ZNF536: variants seen among roughly 807,000 people sequenced by gnomAD.
ZNF536 encodes zinc finger protein 536.
Under a neutral mutation model 84.5 loss-of-function variants are expected in ZNF536, and 13 were observed. The ratio of observed to expected loss-of-function variants is 0.15; its 90% confidence interval spans 0.10 to 0.24. The LOEUF (loss-of-function observed/expected upper bound fraction) is 0.24. Ranked by LOEUF, ZNF536 falls within the 10% of genes least tolerant of loss-of-function variation. The pLI is 1.00. For missense variants in ZNF536, 1,536 were observed against 1,747.5 expected (o/e 0.88, Z 2.16); for synonymous variants, 811 against 742.5 (o/e 1.09, Z -1.50).
intron 1 of ZNF536, among the ~76,000 whole-genome samples, chr19:30,439,487 C>T (rs553354992): frequency 1.9e-4 from 29 of 152,274 alleles, no homozygotes; most frequent in African/African-American, 5.3e-4. Flanking sequence ...GCTGTTTTGG[C>T]GCAGAGACAG....
At chr19:30,589,049 C>G (rs1376549177) in intron 1 of ZNF536, among the ~76,000 whole-genome samples, 1 of 151,956 alleles carries the variant, frequency 6.6e-6, no homozygotes, top group Non-Finnish European at 1.5e-5. Context: ...TGGAGAATCC[C>G]CAAGAGACCT....
In ZNF536 at chr19:30,707,711, A is replaced by C. The variant is rs117142142; in HGVS notation, c.170-3046A>C. Among the ~76,000 whole-genome samples the C allele has an allele frequency of 3.4e-3, 525 of 152,338 alleles. 2 individuals are homozygous for C. Among genetic ancestry groups the C allele is most frequent in the Non-Finnish European group, 4.0e-3 (272 of 68,038 alleles). Reference sequence around the variant, plus strand: ...AACAGAAGAAGCAGAAGCACTATCCAAAAATGTGTAATTCCTGGCAGGGCA... The same window carrying C: ...AACAGAAGAAGCAGAAGCACTATCCCAAAATGTGTAATTCCTGGCAGGGCA... On this transcript the variant is annotated intron_variant, in intron 1 of 1. Transcript: ENST00000592773.
intron 1 of ZNF536, among the ~76,000 whole-genome samples, chr19:30,649,640 C>T (rs35351436): frequency 6.7e-6 from 1 of 148,768 alleles, no homozygotes; most frequent in Middle Eastern, 3.6e-3. Flanking sequence ...GAAAAAGACA[C>T]AGGAACAGCC....
At chr19:30,676,819 G>A (rs2050768773) in intron 1 of ZNF536, among the ~76,000 whole-genome samples, 1 of 152,004 alleles carries the variant, frequency 6.6e-6, no homozygotes, top group Non-Finnish European at 1.5e-5. Flanking sequence ...CTTTGAACAG[G>A]GACTTAAATG....
At chr19:30,288,807 C>T (rs1403232929) in intron 2 of ZNF536, among the ~76,000 whole-genome samples, 1 of 152,194 alleles carries the variant, frequency 6.6e-6, no homozygotes, top group Non-Finnish European at 1.5e-5. Flanking sequence ...ACAAGCATGG[C>T]ACCGTTGTTA....
At chr19:30,569,957 C>G (rs1177895450) in intron 1 of ZNF536, among the ~76,000 whole-genome samples, 1 of 152,192 alleles carries the variant, frequency 6.6e-6, no homozygotes, top group Non-Finnish European at 1.5e-5. Flanking sequence ...GGGCAATGTT[C>G]TCCCCTGGGG....
chr19:30,330,762 C>A (rs1011869497), intron 2 of ZNF536, among the ~76,000 whole-genome samples: 1 of 152,150 alleles, frequency 6.6e-6, no homozygotes, highest in Non-Finnish European at 1.5e-5. Context: ...AACTTCGAGG[C>A]ATTGAAGTGG....
chr19:30,323,657 G>A (rs1451056697), intron 2 of ZNF536, among the ~76,000 whole-genome samples: 1 of 152,200 alleles, frequency 6.6e-6, no homozygotes, highest in African/African-American at 2.4e-5. Context: ...GGGAAAGAAG[G>A]CAGGTGCTGT....
At chr19:30,292,952 A>G (rs2045888722) in intron 2 of ZNF536, among the ~76,000 whole-genome samples, 1 of 152,222 alleles carries the variant, frequency 6.6e-6, no homozygotes, top group African/African-American at 2.4e-5. Flanking sequence ...TTGCATTAAA[A>G]CAGTGAATTA....
intron 2 of ZNF536, among the ~76,000 whole-genome samples, chr19:30,511,986 C>T (rs1440297301): frequency 1.3e-5 from 2 of 152,192 alleles, no homozygotes; most frequent in African/African-American, 2.4e-5. Flanking sequence ...ATAATCCATA[C>T]ATTTACATTA....
At chr19:30,455,278 T>C (rs991956978) in intron 2 of ZNF536, among the ~76,000 whole-genome samples, 40 of 152,230 alleles carry the variant, frequency 2.6e-4, no homozygotes, top group Admixed American at 2.6e-3. Flanking sequence ...ACTTTTTTTT[T>C]CACTAAACTA....
chr19:30,640,690 G>A (rs2049238121), intron 1 of ZNF536, among the ~76,000 whole-genome samples: 1 of 152,236 alleles, frequency 6.6e-6, no homozygotes, highest in Non-Finnish European at 1.5e-5. Context: ...TGCAGGCACA[G>A]GCACTCCATA....
In ZNF536 at chr19:30,468,746, A is replaced by G. The variant is rs147397258; in HGVS notation, c.2170+23014A>G. ...AAATGTCGTGAGTGCAGAGTAGAGCAGCGCTTGGGAGGGCCTGGGCACCGA... is the reference window on the plus strand; with the variant it reads ...AAATGTCGTGAGTGCAGAGTAGAGCGGCGCTTGGGAGGGCCTGGGCACCGA... On this transcript the variant is annotated intron_variant, in intron 2 of 4. Coordinates refer to ENST00000355537, the MANE Select transcript of ZNF536 (RefSeq NM_014717.3). Among the ~76,000 whole-genome samples the G allele has an allele frequency of 3.8e-3, 575 of 152,224 alleles. 4 individuals carry two copies. Among genetic ancestry groups the G allele is most frequent in the Middle Eastern group, 0.014 (4 of 294 alleles).
intron 2 of ZNF536, among the ~76,000 whole-genome samples, chr19:30,519,354 C>T (rs1222523185): frequency 1.3e-5 from 2 of 152,194 alleles, no homozygotes; most frequent in South Asian, 2.1e-4. Flanking sequence ...AAGCTTTGCA[C>T]AGCACCTTGG....
At chr19:30,681,062 A>G (rs1600245970) in intron 1 of ZNF536, among the ~76,000 whole-genome samples, 1 of 151,986 alleles carries the variant, frequency 6.6e-6, no homozygotes, top group Admixed American at 6.6e-5. Flanking sequence ...TGTACCCTGC[A>G]CCCCGCCCCT....
Position 30,462,928 on chromosome 19 carries a change from T to A in ZNF536, c.2170+17196T>A, listed in dbSNP as rs1226989555. 2.8e-5 allele frequency among the ~76,000 whole-genome samples: 4 copies of A among 145,150 alleles called. 1 individual carries two copies. The highest frequency in any genetic ancestry group is 6.1e-5 in the Non-Finnish European group (4 of 65,312). ...ATGGGATGGGTGTGTGTTGTGTGGA[T>A]AAGGATGTGTTTGCTGGGATGGGCG... On this transcript the variant is annotated intron_variant, in intron 2 of 4. Transcript: ENST00000355537.
chr19:30,463,335 C>T (rs941333314), intron 2 of ZNF536, among the ~76,000 whole-genome samples: 7 of 152,280 alleles, frequency 4.6e-5, no homozygotes, highest in East Asian at 1.9e-4. Context: ...CTGGCTCAGC[C>T]TCAGGTGGAA....
At chr19:30,694,373 G>A (rs1382373024) in intron 1 of ZNF536, among the ~76,000 whole-genome samples, 1 of 152,236 alleles carries the variant, frequency 6.6e-6, no homozygotes, top group Admixed American at 6.5e-5. Flanking sequence ...TTCATCTGCT[G>A]GGTGAAAAAA....
At chr19:30,532,860 G>C (rs974139885) in intron 2 of ZNF536, among the ~76,000 whole-genome samples, 1 of 152,218 alleles carries the variant, frequency 6.6e-6, no homozygotes, top group Non-Finnish European at 1.5e-5. Context: ...GCATTTGTCT[G>C]ATGGTGACTT....
Sources: allele counts gnomAD v4.1 joint callset (sites outside exome capture counted in the v4.1 genomes callset), GRCh38; gene constraint gnomAD v4.1.1; transcripts MANE v1.5; gene names NCBI Gene and HGNC (gene_info 2026-07-23, HGNC 2026-07-21).